Variants in STOX2 observed in about 807,000 individuals in gnomAD.
STOX2 encodes the protein storkhead-box protein 2.
A neutral mutation model predicts 60.9 loss-of-function variants in STOX2; 28 were observed. The observed-to-expected ratio is 0.46, with a 90% confidence interval of 0.34 to 0.63. The LOEUF (loss-of-function observed/expected upper bound fraction) is 0.63, where lower values mean the gene tolerates loss of function less well. Ranked by LOEUF, STOX2 falls within the 30% of genes least tolerant of loss-of-function variation. The probability of loss-of-function intolerance (pLI) is 0.01; values close to 1 mark genes in which losing one functional copy is unlikely to be tolerated. For synonymous variants in STOX2, 472 were observed against 463.9 expected (o/e 1.02, Z -0.22); for missense variants, 1,024 against 1,187.7 (o/e 0.86, Z 2.03).
In STOX2 at chr4:184,019,950, A is replaced by C. The variant is rs763652296; in HGVS notation, c.*2666A>C. On this transcript the variant is annotated 3_prime_UTR_variant, in exon 4 of 4. Coordinates refer to ENST00000308497, the MANE Select transcript of STOX2 (RefSeq NM_020225.3). ...CTTTGTGTTACACGACTGCTTATCCAGTCTTAGGGTTTAGCAGCTGAAAGG... is the reference window on the plus strand; with the variant it reads ...CTTTGTGTTACACGACTGCTTATCCCGTCTTAGGGTTTAGCAGCTGAAAGG... 6.6e-6 allele frequency: 1 copy of C among 152,186 alleles called. No homozygotes were observed. The highest frequency in any genetic ancestry group is 1.5e-5 in the Non-Finnish European group (1 of 68,026). The allele number at this position is 152,186 out of a possible 1,614,324, so 9.4% of individuals were successfully genotyped here.
chr4:183,820,228 C>T (rs907081740), intron 1 of STOX2, among the ~76,000 whole-genome samples: 3 of 152,274 alleles, frequency 2.0e-5, no homozygotes, highest in Admixed American at 2.0e-4. Flanking sequence ...CCCAGCTAGA[C>T]TATTTTTATT....
At chr4:184,013,338 A>T (rs1734238448) in intron 3 of STOX2, among the ~76,000 whole-genome samples, 1 of 152,212 alleles carries the variant, frequency 6.6e-6, no homozygotes, top group Non-Finnish European at 1.5e-5. Context: ...CAGAATATAG[A>T]ATTTATGACT....
intron 1 of STOX2, among the ~76,000 whole-genome samples, chr4:183,892,341 C>T (rs894328577): frequency 2.0e-5 from 3 of 152,136 alleles, no homozygotes; most frequent in Admixed American, 6.5e-5. Context: ...TGCAGTGGCG[C>T]GATCTCGGCT....
At chr4:183,847,230 A>G (rs60534696) in intron 1 of STOX2, among the ~76,000 whole-genome samples, 26 of 152,260 alleles carry the variant, frequency 1.7e-4, no homozygotes, top group African/African-American at 6.3e-4. Flanking sequence ...GTCTATTCTG[A>G]GCATATGCCC....
chr4:183,885,783 T>C (rs1241943251), intron 1 of STOX2, among the ~76,000 whole-genome samples: 1 of 152,248 alleles, frequency 6.6e-6, no homozygotes, highest in Non-Finnish European at 1.5e-5. Flanking sequence ...TCATTGATGA[T>C]AATTGACCAA....
chr4:183,857,821 C>G (rs1463939349), intron 1 of STOX2, among the ~76,000 whole-genome samples: 1 of 152,164 alleles, frequency 6.6e-6, no homozygotes, highest in Non-Finnish European at 1.5e-5. Flanking sequence ...GGCGGCACAG[C>G]TCCCTCCCAT....
At chr4:183,934,296 C>A (rs1742527206) in intron 1 of STOX2, among the ~76,000 whole-genome samples, 1 of 151,670 alleles carries the variant, frequency 6.6e-6, no homozygotes, top group South Asian at 2.1e-4. Flanking sequence ...GAGTGAGACT[C>A]CCTCTCAAAA....
At chr4:183,980,559 A>G (rs1019353845) in intron 1 of STOX2, among the ~76,000 whole-genome samples, 1 of 152,116 alleles carries the variant, frequency 6.6e-6, no homozygotes, top group Non-Finnish European at 1.5e-5. Flanking sequence ...AACTGGTTCA[A>G]CTGGGGACTG....
intron 1 of STOX2, among the ~76,000 whole-genome samples, chr4:183,989,130 A>G (rs1732978212): frequency 6.7e-6 from 1 of 148,948 alleles, no homozygotes. Context: ...CGCTGCTCTG[A>G]GGGAGGCATT....
At chr4:183,945,701 C>T (rs563446179) in intron 1 of STOX2, among the ~76,000 whole-genome samples, 1 of 152,316 alleles carries the variant, frequency 6.6e-6, no homozygotes, top group East Asian at 1.9e-4. Context: ...ACCGTGGGTA[C>T]AGCAAAGTTG....
Position 183,865,172 on chromosome 4 carries a change from T to C in STOX2, c.364+67117T>C, listed in dbSNP as rs991453808. 6.6e-6 allele frequency among the ~76,000 whole-genome samples: 1 copy of C among 152,374 alleles called. No individual in the cohort carries two copies. Among genetic ancestry groups the C allele is most frequent in the Non-Finnish European group, 1.5e-5 (1 of 68,038 alleles). ...GTCTCTGCTACTTGAGGCTCACACC[T>C]GTATGTGCATTTGTGTGCCCATGTG... On this transcript the variant is annotated intron_variant, in intron 1 of 2. Transcript: ENST00000513034. This position sits in a 1 kb window ranked among gnomAD's most constrained non-coding sequence, Gnocchi z 4.1.
chr4:183,799,381 A>G (rs1264602465), intron 1 of STOX2, among the ~76,000 whole-genome samples: 1 of 152,208 alleles, frequency 6.6e-6, no homozygotes, highest in African/African-American at 2.4e-5. Context: ...CTGAGACTTA[A>G]CTTGCTTTTG....
chr4:183,910,061 G>A (rs960239698), intron 1 of STOX2, among the ~76,000 whole-genome samples: 4 of 152,176 alleles, frequency 2.6e-5, no homozygotes, highest in African/African-American at 4.8e-5. Context: ...GAGCTTCCTA[G>A]CAACCAGTAA....
At chr4:183,909,900 A>T (rs763696345) in intron 1 of STOX2, among the ~76,000 whole-genome samples, 2 of 152,256 alleles carry the variant, frequency 1.3e-5, no homozygotes, top group African/African-American at 4.8e-5. Flanking sequence ...CTTAAGCTCA[A>T]GAGGTTAGAG....
chr4:183,856,370 A>T lies in STOX2; in HGVS notation c.364+58315A>T, dbSNP rs1413157929. 6.6e-6 allele frequency among the ~76,000 whole-genome samples: 1 copy of T among 152,254 alleles called. No individual in the cohort carries two copies. The highest frequency in any genetic ancestry group is 2.1e-4 in the South Asian group (1 of 4,836). On this transcript the variant is annotated intron_variant, in intron 1 of 2. Coordinates refer to the STOX2 transcript ENST00000513034. The surrounding 1 kb of genome is among the most constrained non-coding windows in gnomAD (Gnocchi z 4.0). ...CAGGAGAACAGACGCAAATACGCAC[A>T]AACAGTTGCAAAGTGAACACTCGGA...
chr4:183,824,571 G>T (rs1396230391), intron 1 of STOX2, among the ~76,000 whole-genome samples: 1 of 152,066 alleles, frequency 6.6e-6, no homozygotes, highest in Admixed American at 6.6e-5. Context: ...ATTAAAAAAA[G>T]ATATTATTGT....
At chr4:183,889,519 G>A (rs990688719) in intron 1 of STOX2, among the ~76,000 whole-genome samples, 7 of 152,234 alleles carry the variant, frequency 4.6e-5, no homozygotes, top group Non-Finnish European at 8.8e-5. Flanking sequence ...AGTGTGTGGT[G>A]TTTCGTTACA....
intron 1 of STOX2, among the ~76,000 whole-genome samples, chr4:183,815,858 A>C (rs1739142242): frequency 6.6e-6 from 1 of 152,264 alleles, no homozygotes; most frequent in Non-Finnish European, 1.5e-5. Flanking sequence ...GGCAGAGGAA[A>C]ATGTCAAACT....
chr4:183,930,166 CTTT>C (rs11318493), intron 1 of STOX2, among the ~76,000 whole-genome samples: 3 of 135,670 alleles, frequency 2.2e-5, no homozygotes, highest in Admixed American at 7.3e-5. Flanking sequence ...ACCAGGCCAA[CTTT>C]TTTTTTTTTT....
Sources: gnomAD v4.1 joint callset for allele counts (sites outside exome capture counted in the v4.1 genomes callset) on GRCh38, gnomAD v4.1.1 for gene constraint, Gnocchi (gnomAD v3.1) non-coding constraint, MANE v1.5 for transcripts, NCBI Gene and HGNC (gene_info 2026-07-23, HGNC 2026-07-21) for gene names.